RBFOX1: variants seen among roughly 807,000 people sequenced by gnomAD.
The protein encoded by RBFOX1 is RNA binding fox-1 homolog 1.
In RBFOX1, 8 loss-of-function variants were observed where a neutral mutation model predicts 57.7. That is an observed-to-expected ratio of 0.14 (90% CI 0.08 to 0.25). RBFOX1 has a LOEUF of 0.25. RBFOX1 is among the 10% of genes least tolerant of loss of function. The pLI is 1.00. For missense variants in RBFOX1, 611 were observed against 548.5 expected (o/e 1.11, Z -1.14); for synonymous variants, 326 against 222.4 (o/e 1.47, Z -4.15).
Position 6,139,785 on chromosome 16 carries a change from CCTT to C in RBFOX1, c.-127+119796_-127+119798del, listed in dbSNP as rs906213524. Among the ~76,000 whole-genome samples the C allele has an allele frequency of 4.6e-5, 7 of 151,554 alleles. No homozygotes were observed. In the South Asian group the frequency reaches 1.3e-3, roughly 28 times the overall value. The stretch of plus-strand genomic sequence containing the variant: ...TCCTTATGTATCTGTTTTTGTTTCT[CCTT>C]CTCCTGTCCTGTTCCCCATTTTTAT... On this transcript the variant is annotated intron_variant, in intron 1 of 15. Transcript: ENST00000550418.
At chr16:5,707,560 C>T (rs960169882) in intron 3 of RBFOX1, among the ~76,000 whole-genome samples, 1 of 152,182 alleles carries the variant, frequency 6.6e-6, no homozygotes, top group African/African-American at 2.4e-5. Context: ...AGGCAAATAT[C>T]ATGCCTTCCC....
intron 2 of RBFOX1, among the ~76,000 whole-genome samples, chr16:6,457,765 C>T (rs1158288304): frequency 1.3e-5 from 2 of 152,296 alleles, no homozygotes; most frequent in Admixed American, 6.5e-5. Flanking sequence ...GTTTGATCTG[C>T]TTTAATGACC....
chr16:6,021,629 C>T (rs1487131236), intron 1 of RBFOX1, among the ~76,000 whole-genome samples: 2 of 152,174 alleles, frequency 1.3e-5, no homozygotes, highest in Non-Finnish European at 2.9e-5. Flanking sequence ...ATGGTTGCCT[C>T]GGGTTAGGAA....
chr16:7,137,093 G>T (rs183273201), intron 4 of RBFOX1, among the ~76,000 whole-genome samples: 4 of 152,268 alleles, frequency 2.6e-5, no homozygotes, highest in African/African-American at 9.6e-5. Context: ...AGAAACTGAG[G>T]CCCAGAGAAG....
intron 3 of RBFOX1, among the ~76,000 whole-genome samples, chr16:6,710,660 A>C (rs2063555032): frequency 1.3e-5 from 2 of 152,268 alleles, no homozygotes; most frequent in Admixed American, 1.3e-4. Flanking sequence ...AGTATGGCTG[A>C]ATCCAGAAAC....
At chr16:6,380,066 G>C (rs749536758) in intron 2 of RBFOX1, among the ~76,000 whole-genome samples, 1 of 152,146 alleles carries the variant, frequency 6.6e-6, no homozygotes, top group African/African-American at 2.4e-5. Flanking sequence ...GCTTTATGGC[G>C]GGGATTTGAA....
chr16:6,483,459 G>T, intron 2 of RBFOX1: 1 of 1,535,732 alleles, frequency 6.5e-7, no homozygotes, highest in Non-Finnish European at 8.7e-7. Flanking sequence ...CCCGTGCTGT[G>T]TTTTCCCGGT....
chr16:6,945,096 C>CA (rs2079236559), intron 3 of RBFOX1, among the ~76,000 whole-genome samples: 1 of 152,096 alleles, frequency 6.6e-6, no homozygotes, highest in Non-Finnish European at 1.5e-5. Context: ...GCCAGCTCTG[C>CA]ACCCAACGTC....
rs554221804 is a variant in RBFOX1 at position 5,345,719 on chromosome 16, T to C, written c.219+105614T>C. On this transcript the variant is annotated intron_variant, in intron 1 of 2. Coordinates refer to the RBFOX1 transcript ENST00000585867. ...CATGGGAGAAGCCATCTCTTTCCGA[T>C]GCATGGGAGAGAGTGGTGGCACCTG... Among the ~76,000 whole-genome samples, 21 of 152,304 alleles carry C rather than the reference T, an allele frequency of 1.4e-4. No individual in the cohort carries two copies. The East Asian group carries it at 4.1e-3, about 29-fold the overall frequency.
At position 5,356,169 on chromosome 16, in the gene RBFOX1, G is replaced by A. The variant is rs1342009622; in HGVS notation, c.220-111047G>A. 5.9e-5 allele frequency among the ~76,000 whole-genome samples: 9 copies of A among 152,160 alleles called. No homozygotes were observed. The East Asian group carries it at 1.5e-3, about 26-fold the overall frequency. On this transcript the variant is annotated intron_variant, in intron 1 of 2. Coordinates refer to the RBFOX1 transcript ENST00000585867. Reference sequence around the variant, plus strand: ...TGTGCAGGTGGATGCAGAGACTGGAGTGACGCATCTAACAGCCAAGGGGTG... The same window carrying A: ...TGTGCAGGTGGATGCAGAGACTGGAATGACGCATCTAACAGCCAAGGGGTG...
At chr16:6,996,910 C>G (rs971900956) in intron 3 of RBFOX1, among the ~76,000 whole-genome samples, 2 of 152,098 alleles carry the variant, frequency 1.3e-5, no homozygotes, top group African/African-American at 2.4e-5. Context: ...TGGAACTGAA[C>G]TTTGCATCCA....
chr16:5,463,060 A>G (rs951008447), intron 1 of RBFOX1, among the ~76,000 whole-genome samples: 7 of 152,240 alleles, frequency 4.6e-5, no homozygotes, highest in African/African-American at 1.2e-4. Context: ...TTGTGTATGT[A>G]TATATACATA....
At chr16:7,004,887 C>T (rs1192051120) in intron 3 of RBFOX1, among the ~76,000 whole-genome samples, 1 of 152,130 alleles carries the variant, frequency 6.6e-6, no homozygotes, top group Non-Finnish European at 1.5e-5. Flanking sequence ...AGGTGACTCA[C>T]ACCTGTAATT....
chr16:6,647,280 G>T (rs1002401059), intron 2 of RBFOX1, among the ~76,000 whole-genome samples: 2 of 152,102 alleles, frequency 1.3e-5, no homozygotes, highest in South Asian at 2.1e-4. Flanking sequence ...ATCTTGGTCT[G>T]TTGCCCAGGC....
At chr16:6,063,794 A>G (rs1187120163) in intron 1 of RBFOX1, among the ~76,000 whole-genome samples, 1 of 152,052 alleles carries the variant, frequency 6.6e-6, no homozygotes, top group East Asian at 1.9e-4. Flanking sequence ...TGTGTCTTTG[A>G]TTCATTCCAT....
chr16:6,518,956 A>G (rs1463652457), intron 2 of RBFOX1, among the ~76,000 whole-genome samples: 1 of 152,018 alleles, frequency 6.6e-6, no homozygotes, highest in East Asian at 1.9e-4. Flanking sequence ...TTTCTGGCTT[A>G]CCACCACCTA....
chr16:7,669,075 A>G (rs1460241637), intron 13 of RBFOX1, among the ~76,000 whole-genome samples: 1 of 152,082 alleles, frequency 6.6e-6, no homozygotes, highest in East Asian at 1.9e-4. Context: ...CAGCTAATCC[A>G]TGTATTTTAG....
rs567540069 is a variant in RBFOX1 at position 6,867,654 on chromosome 16, G to C, written c.-15-184403G>C. On this transcript the variant is annotated intron_variant, in intron 3 of 15. Transcript: ENST00000550418. ...GGATCGCTTGAACCCGGGAGGCAGA[G>C]GTTGCAGTGAGTGCCGAGATTGCCT... 2.6e-5 allele frequency among the ~76,000 whole-genome samples: 4 copies of C among 152,278 alleles called. No homozygotes were observed. The East Asian group carries it at 5.8e-4, about 22-fold the overall frequency.
intron 1 of RBFOX1, among the ~76,000 whole-genome samples, chr16:5,422,789 A>C (rs2067384012): frequency 9.4e-6 from 1 of 106,082 alleles, no homozygotes; most frequent in African/African-American, 3.7e-5. Flanking sequence ...AGGGAGAGGG[A>C]GTGGGAAGAA....
Sources: gnomAD v4.1 joint callset for allele counts (sites outside exome capture counted in the v4.1 genomes callset) on GRCh38, gnomAD v4.1.1 for gene constraint, MANE v1.5 for transcripts, NCBI Gene and HGNC (gene_info 2026-07-23, HGNC 2026-07-21) for gene names.